The following ACSM3 variants were observed in gnomAD, a reference collection of about 807,000 sequenced individuals.
The protein encoded by ACSM3 is acyl-coenzyme A synthetase ACSM3, mitochondrial.
Under a neutral mutation model 74.1 loss-of-function variants are expected in ACSM3, and 61 were observed. The ratio of observed to expected loss-of-function variants is 0.82; its 90% CI spans 0.67 to 1.02. The LOEUF (loss-of-function observed/expected upper bound fraction) is 1.02, where lower values mean the gene tolerates loss of function less well. Ranked by LOEUF, ACSM3 falls within the 50% of genes least tolerant of loss-of-function variation. ACSM3 has a pLI of 0.00. For missense variants in ACSM3, 660 were observed against 697.0 expected, an observed-to-expected ratio of 0.95 and a Z score of 0.60; for synonymous variants, 213 against 241.5, an observed-to-expected ratio of 0.88 and a Z score of 1.09.
chr16:20,741,493 AC>A, intron 1 of ACSM3: 1 of 209,280 alleles, frequency 4.8e-6, no homozygotes, highest in Non-Finnish European at 9.2e-6. Flanking sequence ...CCGCCCGCCC[AC>A]CCCGGGACCG....
chr16:20,738,017 A>C (rs2079885768), intron 1 of ACSM3: 11 of 1,485,062 alleles, frequency 7.4e-6, no homozygotes, highest in Non-Finnish European at 1.0e-5. Flanking sequence ...TCGAACTCTA[A>C]AATGAATTTT....
intron 1 of ACSM3, among the ~76,000 whole-genome samples, chr16:20,675,580 A>G (rs2020227738): frequency 6.6e-6 from 1 of 152,220 alleles, no homozygotes; most frequent in South Asian, 2.1e-4. Flanking sequence ...TGCATGATAA[A>G]GAATTTTTAA....
chr16:20,793,926 G>A (rs1290721566), intron 12 of ACSM3, among the ~76,000 whole-genome samples: 1 of 152,172 alleles, frequency 6.6e-6, no homozygotes, highest in African/African-American at 2.4e-5. Context: ...TGATATCCTA[G>A]CGTACAATAT....
chr16:20,752,137 C>A (rs1316958020), intron 2 of ACSM3, among the ~76,000 whole-genome samples: 1 of 152,146 alleles, frequency 6.6e-6, no homozygotes, highest in Non-Finnish European at 1.5e-5. Flanking sequence ...TTGCAGTTAG[C>A]CGAGACTGCA....
At chr16:20,773,798 G>T (rs1443410154) in intron 2 of ACSM3, among the ~76,000 whole-genome samples, 1 of 152,208 alleles carries the variant, frequency 6.6e-6, no homozygotes, top group East Asian at 1.9e-4. Flanking sequence ...TCTGGAGAAT[G>T]TGCCATGTGC....
chr16:20,742,054 C>T, intron 1 of ACSM3: 7 of 1,376,854 alleles, frequency 5.1e-6, no homozygotes, highest in Non-Finnish European at 4.7e-6. Context: ...AGCCATATAG[C>T]TTCTTCCACC....
intron 7 of ACSM3, among the ~76,000 whole-genome samples, chr16:20,784,141 A>C (rs1274027417): frequency 6.6e-6 from 1 of 152,204 alleles, no homozygotes; most frequent in Non-Finnish European, 1.5e-5. Context: ...TGGTATCACA[A>C]GATTCACACA....
At chr16:20,737,967 A>C in intron 1 of ACSM3, 2 of 1,567,702 alleles carry the variant, frequency 1.3e-6, no homozygotes, top group Non-Finnish European at 1.7e-6. Context: ...CTTAAGAAAA[A>C]AAAAAAGTTA....
At chr16:20,752,449 A>G (rs766553614) in intron 2 of ACSM3, among the ~76,000 whole-genome samples, 1 of 152,222 alleles carries the variant, frequency 6.6e-6, no homozygotes, top group Non-Finnish European at 1.5e-5. Context: ...AAAACAGTTG[A>G]TGGAAAATGA....
intron 4 of ACSM3, 143 bp from the exon 5 acceptor site, chr16:20,780,571 T>C: frequency 6.4e-7 from 1 of 1,568,212 alleles, no homozygotes. Context: ...AGTGATGGCT[T>C]TTACCCTGTA....
chr16:20,755,953 G>A (rs879883361), intron 3 of ACSM3, among the ~76,000 whole-genome samples: 2 of 151,988 alleles, frequency 1.3e-5, no homozygotes, highest in African/African-American at 4.8e-5. Flanking sequence ...TCCCTACAAA[G>A]GACATGAACT....
chr16:20,731,637 T>C (rs2079830999), intron 1 of ACSM3: 1 of 351,268 alleles, frequency 2.8e-6, no homozygotes, highest in Admixed American at 5.2e-5. Flanking sequence ...AAGCTTTTGT[T>C]GTCTTAGCTC....
intron 1 of ACSM3, chr16:20,741,377 G>C: frequency 8.6e-7 from 1 of 1,166,520 alleles, no homozygotes. Flanking sequence ...AAACGCCGGC[G>C]AGGCCACGCC....
intron 2 of ACSM3, among the ~76,000 whole-genome samples, chr16:20,771,593 T>C (rs1029824600): frequency 6.6e-6 from 1 of 152,166 alleles, no homozygotes; most frequent in African/African-American, 2.4e-5. Flanking sequence ...TGAATAGTAT[T>C]GCACTGTGTA....
chr16:20,733,132 A>C (rs1444883708), intron 1 of ACSM3: 1 of 150,514 alleles, frequency 6.6e-6, no homozygotes, highest in Admixed American at 6.6e-5. Flanking sequence ...AAAAATTAAA[A>C]AGTAAATAAA....
At chr16:20,706,232 T>C (rs908941238) in intron 1 of ACSM3, among the ~76,000 whole-genome samples, 11 of 151,612 alleles carry the variant, frequency 7.3e-5, no homozygotes, top group African/African-American at 2.7e-4. Context: ...AAATCTAAAA[T>C]GGGAGAAATA....
chr16:20,696,378 C>T (rs749719494), intron 1 of ACSM3, among the ~76,000 whole-genome samples: 1 of 152,166 alleles, frequency 6.6e-6, no homozygotes, highest in African/African-American at 2.4e-5. Flanking sequence ...TATTTCTCAC[C>T]GTGCTGGACA....
At chr16:20,714,979 CAGAT>C (rs1365521195) in intron 1 of ACSM3, among the ~76,000 whole-genome samples, 1 of 147,240 alleles carries the variant, frequency 6.8e-6, no homozygotes. Flanking sequence ...GATAGACAGA[CAGAT>C]GGATAGACGA....
intron 1 of ACSM3, among the ~76,000 whole-genome samples, chr16:20,725,855 C>T (rs1413565626): frequency 6.6e-6 from 1 of 152,146 alleles, no homozygotes; most frequent in African/African-American, 2.4e-5. Context: ...AACGTGTAAT[C>T]CCAGCCTCTT....
Sources: allele counts gnomAD v4.1 joint callset (sites outside exome capture counted in the v4.1 genomes callset), GRCh38; gene constraint gnomAD v4.1.1; transcripts MANE v1.5; gene names NCBI Gene and HGNC (gene_info 2026-07-23, HGNC 2026-07-21).